Variants in JAM2 observed in about 807,000 individuals in gnomAD.
JAM2 encodes the protein junctional adhesion molecule 2.
JAM2 carries 17 observed loss-of-function variants against 42.0 expected under a neutral mutation model. That is an observed-to-expected ratio of 0.40 (90% confidence interval 0.28 to 0.61). The LOEUF is 0.61. JAM2 is among the 20% of genes least tolerant of loss of function. JAM2 has a pLI of 0.37. For missense variants in JAM2, 319 were observed against 358.3 expected, an observed-to-expected ratio of 0.89 and a Z score of 0.89; for synonymous variants, 118 against 128.6, an observed-to-expected ratio of 0.92 and a Z score of 0.56.
chr21:25,665,834 A>G (rs1270470019), intron 1 of JAM2, among the ~76,000 whole-genome samples: 1 of 152,106 alleles, frequency 6.6e-6, no homozygotes, highest in Non-Finnish European at 1.5e-5. Context: ...TGAGGTCAGG[A>G]GTTCGAGAGC....
intron 9 of JAM2, chr21:25,714,379 C>G: frequency 2.2e-6 from 1 of 454,378 alleles, no homozygotes; most frequent in Non-Finnish European, 3.8e-6. Context: ...TGGCATGTGC[C>G]TGCAGTTCCA....
intron 1 of JAM2, among the ~76,000 whole-genome samples, chr21:25,663,138 GA>G (rs1311141393): frequency 1.3e-5 from 2 of 152,166 alleles, no homozygotes; most frequent in Non-Finnish European, 2.9e-5. Flanking sequence ...AGAATGCAGA[GA>G]GCCAGAGTGT....
chr21:25,690,794 T>C (rs1287095123), intron 3 of JAM2, among the ~76,000 whole-genome samples: 1 of 152,198 alleles, frequency 6.6e-6, no homozygotes, highest in Non-Finnish European at 1.5e-5. Flanking sequence ...TTAAGACTTA[T>C]GGGTGGGTTA....
In JAM2 at chr21:25,669,329, G is replaced by A. The variant is rs548025843; in HGVS notation, c.68-14554G>A. Among the ~76,000 whole-genome samples, 25 of 151,278 alleles carry A rather than the reference G, an allele frequency of 1.7e-4. No individual in the cohort carries two copies. In the South Asian group the frequency reaches 2.1e-3, roughly 13 times the overall value. ...TGAGGCTGCAGTGACCCATGATTGC[G>A]CGCCTGCACTCCAGCCTGGGCAACA... On this transcript the variant is annotated intron_variant, in intron 1 of 9. Transcript: ENST00000480456.
At chr21:25,671,757 C>T (rs1221669951) in intron 1 of JAM2, among the ~76,000 whole-genome samples, 2 of 152,230 alleles carry the variant, frequency 1.3e-5, no homozygotes, top group Non-Finnish European at 2.9e-5. Flanking sequence ...AATCTGCTGG[C>T]CTTGGCCTCT....
At chr21:25,654,037 A>C (rs2829846) in intron 1 of JAM2, among the ~76,000 whole-genome samples, 4,127 of 152,328 alleles carry the variant, frequency 0.027, 89 homozygotes, top group Non-Finnish European at 0.044. Context: ...TAACTAGGTC[A>C]GTTACTCCTT....
chr21:25,665,523 AT>A (rs1217071669), intron 1 of JAM2, among the ~76,000 whole-genome samples: 1 of 152,136 alleles, frequency 6.6e-6, no homozygotes, highest in African/African-American at 2.4e-5. Context: ...ATGTACATAT[AT>A]GTATATAAAG....
chr21:25,664,110 TACTG>T (rs1405472534), intron 1 of JAM2, among the ~76,000 whole-genome samples: 1 of 152,260 alleles, frequency 6.6e-6, no homozygotes, highest in Non-Finnish European at 1.5e-5. Context: ...TCAATTTTCT[TACTG>T]ACCATTCAGC....
At chr21:25,675,991 A>T (rs2033481740) in intron 1 of JAM2, among the ~76,000 whole-genome samples, 1 of 152,184 alleles carries the variant, frequency 6.6e-6, no homozygotes, top group Non-Finnish European at 1.5e-5. Context: ...CATTTAAAAC[A>T]AACAAAAAAC....
At position 25,681,840 on chromosome 21, in the gene JAM2, G is replaced by A. The variant is rs897713909; in HGVS notation, c.68-2043G>A. Among the ~76,000 whole-genome samples, 5 of 152,226 alleles carry A rather than the reference G, an allele frequency of 3.3e-5. No individual in the cohort carries two copies. The East Asian group carries it at 9.7e-4, about 29-fold the overall frequency. On this transcript the variant is annotated intron_variant, in intron 1 of 9. Transcript: ENST00000480456. ...TACTAAAAATACAAAAAATTAGCCG[G>A]GCGTCGTGGCGGGCGCCTGTAGTCC...
At chr21:25,652,364 C>T (rs1280792104) in intron 1 of JAM2, among the ~76,000 whole-genome samples, 5 of 151,482 alleles carry the variant, frequency 3.3e-5, no homozygotes, top group African/African-American at 1.2e-4. Context: ...TGCACTCTAG[C>T]GTGGGTGACA....
chr21:25,652,135 C>T (rs962842400), intron 1 of JAM2, among the ~76,000 whole-genome samples: 1 of 152,004 alleles, frequency 6.6e-6, no homozygotes, highest in East Asian at 1.9e-4. Flanking sequence ...CTTGTAATCC[C>T]CATACTTTGG....
chr21:25,708,592 C>T lies in JAM2; in HGVS notation c.806-842C>T, dbSNP rs568392600. Among the ~76,000 whole-genome samples, 3 of 152,234 alleles carry T rather than the reference C, an allele frequency of 2.0e-5. No individual in the cohort carries two copies. In the South Asian group the frequency reaches 6.2e-4, roughly 32 times the overall value. On this transcript the variant is annotated intron_variant, in intron 7 of 9. Coordinates refer to ENST00000480456, the MANE Select transcript of JAM2 (RefSeq NM_021219.4). ...AAACAAACAAACAAAAAGAGCGGCTCTGTCAATTAATACTTGTTCAGTGCT... is the reference window on the plus strand; with the variant it reads ...AAACAAACAAACAAAAAGAGCGGCTTTGTCAATTAATACTTGTTCAGTGCT...
Position 25,712,516 on chromosome 21 carries a change from A to G in JAM2, c.864+134A>G, listed in dbSNP as rs2034404728. ...ACCAGTGTCTATCACTGGTGTTTAA[A>G]AGGAGCTAAGTAGATGTTAGCTTCT... On this transcript the variant is annotated intron_variant, in intron 9 of 9. Transcript: ENST00000480456. 4 of 618,544 alleles carry G rather than the reference A, an allele frequency of 6.5e-6. No homozygotes were observed. In the East Asian group the frequency reaches 1.1e-4, roughly 17 times the overall value. 38.3% of individuals were successfully genotyped at this position (618,544 alleles called of 1,614,324 possible).
Position 25,693,873 on chromosome 21 carries a change from A to T in JAM2, c.359A>T (p.Asn120Ile). The T allele has an allele frequency of 6.2e-7, 1 of 1,614,196 alleles. No individual in the cohort carries two copies. The highest frequency in any genetic ancestry group is 8.5e-7 in the Non-Finnish European group (1 of 1,180,028). Residue 120 changes from asparagine to isoleucine, a missense_variant, in exon 4 of 10, where the codon AAC (asparagine) becomes ATC (isoleucine). By Grantham distance (149) the Asn-to-Ile change is moderately radical. Coordinates refer to ENST00000480456, the MANE Select transcript of JAM2 (RefSeq NM_021219.4). ...AGTGCCCCATCTGAGCAAGGCCAAA[A>T]CCTGGAAGAGGATACAGTCACTCTG... ...EVSAPSEQGQ[N>I]LEEDTVTLEV...
At chr21:25,712,433 G>T in intron 9 of JAM2, 51 bp downstream of exon 9, 2 of 1,283,350 alleles carry the variant, frequency 1.6e-6, no homozygotes, top group African/African-American at 1.5e-5. Context: ...GGGGAATAGG[G>T]CAGGGAAATG....
At position 25,714,630 on chromosome 21, in the gene JAM2, CT is replaced by C; in HGVS notation, c.865-6del. ...ATATATTTAAACCTGTTTTTTCTTT[CT>C]TTTCCTAGGATTTCAAGCACACAAA... On this transcript the variant is annotated splice_polypyrimidine_tract_variant and intron_variant, in intron 9 of 9. Transcript: ENST00000480456. The C allele has an allele frequency of 6.9e-7, 1 of 1,457,808 alleles. No homozygotes were observed. The highest frequency in any genetic ancestry group is 9.3e-7 in the Non-Finnish European group (1 of 1,074,236). The allele number at this position is 1,457,808 out of a possible 1,614,324, so 90.3% of individuals were successfully genotyped here.
intron 1 of JAM2, among the ~76,000 whole-genome samples, chr21:25,671,132 A>C (rs987080167): frequency 1.3e-5 from 2 of 152,214 alleles, no homozygotes; most frequent in Non-Finnish European, 2.9e-5. Flanking sequence ...TGGCCATATA[A>C]AATCTCTAGT....
At chr21:25,649,752 A>G (rs1253491261) in intron 1 of JAM2, among the ~76,000 whole-genome samples, 1 of 152,184 alleles carries the variant, frequency 6.6e-6, no homozygotes, top group Non-Finnish European at 1.5e-5. Flanking sequence ...GTTTTAGTCT[A>G]TTTCTGTTGC....
Sources: allele counts gnomAD v4.1 joint callset (sites outside exome capture counted in the v4.1 genomes callset), GRCh38; gene constraint gnomAD v4.1.1; transcripts MANE v1.5; gene names NCBI Gene and HGNC (gene_info 2026-07-23, HGNC 2026-07-21).